MED13L: variants seen among roughly 807,000 people sequenced by gnomAD.
The protein encoded by MED13L is mediator complex subunit 13L.
Under a neutral mutation model 220.9 loss-of-function variants are expected in MED13L, and 7 were observed. The observed-to-expected ratio is 0.03, with a 90% CI of 0.02 to 0.06. The LOEUF (loss-of-function observed/expected upper bound fraction) is 0.06. Among genes scored for constraint, MED13L ranks in the 10% least tolerant of loss-of-function variants. MED13L has a pLI of 1.00. For synonymous variants in MED13L, 1,011 were observed against 1,015.2 expected (o/e 1.00, Z 0.08); for missense variants, 1,965 against 2,760.5 (o/e 0.71, Z 6.46).
At position 116,006,006 on chromosome 12, in the gene MED13L, A is replaced by G; in HGVS notation, c.2345-13T>C. ...TCCTGCCGGACATCTGTAGGAAAGG[A>G]GGCAAAAGACACAGAATAAACAACT... On this transcript the variant is annotated splice_polypyrimidine_tract_variant and intron_variant, in intron 12 of 30. Coordinates refer to ENST00000281928, the MANE Select transcript of MED13L (RefSeq NM_015335.5). 2.5e-6 allele frequency: 4 copies of G among 1,613,870 alleles called. No homozygotes were observed. The highest frequency in any genetic ancestry group is 3.4e-6 in the Non-Finnish European group (4 of 1,179,810).
chr12:116,185,402 G>A (rs1309867306), intron 2 of MED13L, among the ~76,000 whole-genome samples: 1 of 150,518 alleles, frequency 6.6e-6, no homozygotes, highest in East Asian at 2.0e-4. Context: ...ATTCATTCTT[G>A]AAGTATAATT....
intron 13 of MED13L, among the ~76,000 whole-genome samples, chr12:116,004,092 T>C (rs1878905938): frequency 6.6e-6 from 1 of 152,186 alleles, no homozygotes; most frequent in South Asian, 2.1e-4. Context: ...ATAAGTTCAG[T>C]GGCCCAGAGC....
At chr12:116,002,722 G>C (rs187594764) in intron 14 of MED13L, among the ~76,000 whole-genome samples, 8 of 152,184 alleles carry the variant, frequency 5.3e-5, no homozygotes, top group Middle Eastern at 6.8e-3. Context: ...AGGACTATTA[G>C]AAAAACAAAC....
intron 2 of MED13L, among the ~76,000 whole-genome samples, chr12:116,132,720 G>A (rs1876181446): frequency 6.6e-6 from 1 of 152,098 alleles, no homozygotes; most frequent in Non-Finnish European, 1.5e-5. Flanking sequence ...AGGAGTTCGA[G>A]ACCAGACTGG....
chr12:116,239,767 A>AT (rs1338350683), intron 1 of MED13L, among the ~76,000 whole-genome samples: 1 of 152,228 alleles, frequency 6.6e-6, no homozygotes, highest in Non-Finnish European at 1.5e-5. Context: ...AGTCTCCCCA[A>AT]TACAAATAGC....
chr12:116,252,043 A>G (rs1305622969), intron 1 of MED13L, among the ~76,000 whole-genome samples: 1 of 152,098 alleles, frequency 6.6e-6, no homozygotes, highest in Non-Finnish European at 1.5e-5. Context: ...CAAAATATAT[A>G]AAGGAAAAAC....
At chr12:116,034,264 T>G (rs547633930) in intron 4 of MED13L, among the ~76,000 whole-genome samples, 8 of 152,142 alleles carry the variant, frequency 5.3e-5, no homozygotes, top group Admixed American at 2.6e-4. Flanking sequence ...CAGTACTTAG[T>G]ATGGTGCTTG....
intron 4 of MED13L, among the ~76,000 whole-genome samples, chr12:116,085,157 CA>C (rs1871539205): frequency 6.6e-6 from 1 of 152,116 alleles, no homozygotes; most frequent in African/African-American, 2.4e-5. Context: ...TTTAAGATCT[CA>C]AAATGTGTTG....
At chr12:115,982,740 A>C in intron 21 of MED13L, 137 bp from the exon 22 acceptor site, 1 of 866,742 alleles carries the variant, frequency 1.2e-6, no homozygotes. Context: ...AACATTTATC[A>C]CCTTACCAAA....
chr12:116,220,273 AAATT>A (rs1883233870), intron 2 of MED13L, among the ~76,000 whole-genome samples: 1 of 152,232 alleles, frequency 6.6e-6, no homozygotes, highest in Non-Finnish European at 1.5e-5. Flanking sequence ...ATTACTATTT[AAATT>A]AATATTTACT....
At chr12:116,061,957 G>A (rs1447132644) in intron 4 of MED13L, among the ~76,000 whole-genome samples, 16 of 142,418 alleles carry the variant, frequency 1.1e-4, no homozygotes, top group South Asian at 2.3e-4. Flanking sequence ...GCAGTGAGCC[G>A]AGATCACACC....
intron 8 of MED13L, among the ~76,000 whole-genome samples, chr12:116,013,895 G>T (rs1280006403): frequency 1.3e-5 from 2 of 151,456 alleles, no homozygotes; most frequent in Non-Finnish European, 2.9e-5. Context: ...ACTATGATCT[G>T]TTAAGAGTTG....
chr12:116,047,630 A>G (rs1566029593), intron 4 of MED13L, among the ~76,000 whole-genome samples: 1 of 152,226 alleles, frequency 6.6e-6, no homozygotes, highest in Non-Finnish European at 1.5e-5. Flanking sequence ...GGCTGATGAT[A>G]ACGGTGTCAG....
intron 4 of MED13L, among the ~76,000 whole-genome samples, chr12:116,037,263 C>T (rs1592973988): frequency 6.6e-6 from 1 of 152,116 alleles, no homozygotes; most frequent in Non-Finnish European, 1.5e-5. Context: ...CTACATGACA[C>T]CACAAGGAGA....
intron 25 of MED13L, among the ~76,000 whole-genome samples, chr12:115,973,496 A>G (rs550094933): frequency 6.6e-6 from 1 of 152,216 alleles, no homozygotes; most frequent in Non-Finnish European, 1.5e-5. Context: ...GAGATAAGGA[A>G]GAAGAATGTG....
At chr12:116,022,392 C>A in intron 5 of MED13L, 64 bp downstream of exon 5, 2 of 1,595,872 alleles carry the variant, frequency 1.3e-6, no homozygotes, top group Non-Finnish European at 1.7e-6. Context: ...CAAAACTTTA[C>A]TGGGCAAGAT....
At chr12:116,094,257 G>C (rs1241546428) in intron 4 of MED13L, among the ~76,000 whole-genome samples, 2 of 152,074 alleles carry the variant, frequency 1.3e-5, no homozygotes. Flanking sequence ...ATTCATCTTT[G>C]GTTTAAATGT....
At chr12:116,263,027 A>C (rs1251691813) in intron 1 of MED13L, among the ~76,000 whole-genome samples, 1 of 152,206 alleles carries the variant, frequency 6.6e-6, no homozygotes, top group Non-Finnish European at 1.5e-5. Flanking sequence ...AATGTTAGTT[A>C]AGAACTTGTA....
chr12:116,223,534 G>A (rs745745280), intron 2 of MED13L, among the ~76,000 whole-genome samples: 6 of 151,940 alleles, frequency 3.9e-5, no homozygotes, highest in African/African-American at 4.8e-5. Context: ...GCGAAACCCC[G>A]TCTTTACTAA....
Sources: allele counts gnomAD v4.1 joint callset (sites outside exome capture counted in the v4.1 genomes callset), GRCh38; gene constraint gnomAD v4.1.1; transcripts MANE v1.5; gene names NCBI Gene and HGNC (gene_info 2026-07-23, HGNC 2026-07-21).